The following GOLGA2 variants were observed in gnomAD, a reference collection of about 807,000 sequenced individuals.
The protein encoded by GOLGA2 is golgin A2.
Under a neutral mutation model 148.8 loss-of-function variants are expected in GOLGA2, and 49 were observed. That is an observed-to-expected ratio of 0.33 (90% CI 0.26 to 0.42). The LOEUF (loss-of-function observed/expected upper bound fraction) is 0.42, where lower values mean the gene tolerates loss of function less well. Among genes scored for constraint, GOLGA2 ranks in the 10% least tolerant of loss-of-function variants. The probability of loss-of-function intolerance (pLI) is 1.00; values close to 1 mark genes in which losing one functional copy is unlikely to be tolerated. For synonymous variants in GOLGA2, 501 were observed against 511.8 expected (o/e 0.98, Z 0.28); for missense variants, 1,178 against 1,304.6 (o/e 0.90, Z 1.49).
rs747325990 is a variant in GOLGA2, at chr9:128,257,662, T to A, written c.2657A>T (p.Glu886Val). The change falls in exon 25 of 27, where the codon GAG becomes GTG. Residue 886 changes from glutamate (E) to valine (V), a missense_variant. Glu to Val is a moderately radical substitution (Grantham distance 121, BLOSUM62 -2). This residue lies in a region of GOLGA2 where 38 missense variants were observed against 67.3 expected (regional missense o/e 0.56). Coordinates refer to ENST00000611957, the MANE Select transcript of GOLGA2 (RefSeq NM_001366244.2). The surrounding 1 kb of genome is among the most constrained non-coding windows in gnomAD (Gnocchi z 8.0). ...LYQSQRAVLK[E>V]RHREKEEYIS... is the part of the protein sequence containing the mutation. Reference sequence around the variant, plus strand: ...GTACTCCTCCTTCTCCCGGTGCCGCTCCTTCAGCACTGCCCTCTGGCTCTG... The same window carrying A: ...GTACTCCTCCTTCTCCCGGTGCCGCACCTTCAGCACTGCCCTCTGGCTCTG... 3 of 1,614,114 alleles carry A rather than the reference T, an allele frequency of 1.9e-6. No homozygotes were observed. Among genetic ancestry groups the A allele is most frequent in the Non-Finnish European group, 2.5e-6 (3 of 1,180,012 alleles).
chr9:128,266,253 G>A lies in GOLGA2; in HGVS notation c.681+34C>T. The A allele has an allele frequency of 6.3e-7, 1 of 1,583,952 alleles. No homozygotes were observed. The highest frequency in any genetic ancestry group is 1.3e-5 in the African/African-American group (1 of 74,498). ...ATTTGAATGCCCCCCAAACCCAGCA[G>A]TCATGTTGTGAGCAAACAAAGAAAT... On this transcript the variant is annotated intron_variant, in intron 9 of 26. Transcript: ENST00000611957. The surrounding 1 kb of genome is among the most constrained non-coding windows in gnomAD (Gnocchi z 4.2).
intron 5 of GOLGA2, 39 bp from the exon 6 acceptor site, chr9:128,268,036 TCAATGG>T (rs777980199): frequency 6.2e-7 from 1 of 1,606,736 alleles, no homozygotes; most frequent in Non-Finnish European, 8.5e-7. Flanking sequence ...TGCAGGTGGC[TCAATGG>T]GAAAGAAGGT....
rs571760333 is a variant in GOLGA2, at chr9:128,271,103, T to C, written c.288+1682A>G. Among the ~76,000 whole-genome samples, 6 of 152,194 alleles carry C rather than the reference T, an allele frequency of 3.9e-5. No individual in the cohort carries two copies. The highest frequency in any genetic ancestry group is 1.4e-4 in the African/African-American group (6 of 41,540). On this transcript the variant is annotated intron_variant, in intron 3 of 26. Transcript: ENST00000611957. This position sits in a 1 kb window ranked among gnomAD's most constrained non-coding sequence, Gnocchi z 4.4. ...GGGATCTAGGCCTTTGTTTCCAGAA[T>C]AGAGGGACCTGGGCTGGCACAGAAT...
chr9:128,266,774 C>G lies in GOLGA2; in HGVS notation c.642+420G>C, dbSNP rs1485551495. 2.9e-6 allele frequency: 1 copy of G among 342,770 alleles called. No homozygotes were observed. The highest frequency in any genetic ancestry group is 5.4e-6 in the Non-Finnish European group (1 of 186,450). 21.2% of individuals were successfully genotyped at this position (342,770 alleles called of 1,614,324 possible). A position where few individuals can be genotyped will look rare whatever the true frequency, so the allele number is the denominator to read the frequency against. ...AATGGGCCTTTAAATCTTGGACTCT[C>G]AGAGCTAAGAGACCTTTGATACTCT... On this transcript the variant is annotated intron_variant, in intron 8 of 26. Coordinates refer to ENST00000611957, the MANE Select transcript of GOLGA2 (RefSeq NM_001366244.2). The surrounding 1 kb of genome is among the most constrained non-coding windows in gnomAD (Gnocchi z 4.2).
Position 128,259,239 on chromosome 9 carries a change from G to T in GOLGA2, c.2025C>A (p.Asp675Glu), listed in dbSNP as rs774887378. The T allele has an allele frequency of 6.3e-7, 1 of 1,598,450 alleles. No individual in the cohort carries two copies. Among genetic ancestry groups the T allele is most frequent in the South Asian group, 1.1e-5 (1 of 88,048 alleles). The change falls in exon 20 of 27, where the codon GAC becomes GAA. Residue 675 changes from aspartate to glutamate, a missense_variant. By Grantham distance (45) the Asp-to-Glu change is conservative. Transcript: ENST00000611957. Reference protein sequence around the residue: ...NQLLLQTQLVDQLQQQEAQGK... With the variant: ...NQLLLQTQLVEQLQQQEAQGK... ...CCTGAGCTTCCTGCTGCTGCAGCTG[G>T]TCCACGAGCTGGGTCTGCAGCAGTA...
At chr9:128,264,217 A>G (rs1830456638) in intron 12 of GOLGA2, among the ~76,000 whole-genome samples, 1 of 150,412 alleles carries the variant, frequency 6.6e-6, no homozygotes, top group Non-Finnish European at 1.5e-5. Flanking sequence ...GAGCGAATTT[A>G]TGTATGTACG....
chr9:128,270,129 AT>A (rs776425049), intron 3 of GOLGA2, among the ~76,000 whole-genome samples: 1,949 of 115,122 alleles, frequency 0.017, 61 homozygotes, highest in Admixed American at 0.099. Flanking sequence ...GAGGAAGGGA[AT>A]TTTTTTTTTT....
At position 128,271,533 on chromosome 9, in the gene GOLGA2, C is replaced by T. The variant is rs118045300; in HGVS notation, c.288+1252G>A. On this transcript the variant is annotated intron_variant, in intron 3 of 26. Transcript: ENST00000611957. The surrounding 1 kb of genome is among the most constrained non-coding windows in gnomAD (Gnocchi z 4.4). ...CTGTGTACCTCCATGCCCTGCCCCC[C>T]ACCAGGCTCCCTGTGTTCCTGAAAG... Among the ~76,000 whole-genome samples the T allele has an allele frequency of 6.6e-6, 1 of 152,214 alleles. No individual in the cohort carries two copies. The highest frequency in any genetic ancestry group is 1.5e-5 in the Non-Finnish European group (1 of 68,042).
intron 3 of GOLGA2, 72 bp from the exon 4 acceptor site, chr9:128,268,596 GTGGAACAGGTAGGA>G: frequency 2.6e-6 from 2 of 782,230 alleles, no homozygotes; most frequent in Non-Finnish European, 4.4e-6. Context: ...ACACAAGGGT[GTGGAACAGGTAGGA>G]CAGGTGTTGC....
In GOLGA2 at chr9:128,271,529, C is replaced by T. The variant is rs1830944759; in HGVS notation, c.288+1256G>A. 6.6e-6 allele frequency among the ~76,000 whole-genome samples: 1 copy of T among 152,122 alleles called. No individual in the cohort carries two copies. Among genetic ancestry groups the T allele is most frequent in the Admixed American group, 6.6e-5 (1 of 15,262 alleles). On this transcript the variant is annotated intron_variant, in intron 3 of 26. Coordinates refer to ENST00000611957, the MANE Select transcript of GOLGA2 (RefSeq NM_001366244.2). The surrounding 1 kb of genome is among the most constrained non-coding windows in gnomAD (Gnocchi z 4.4). ...AGCCCTGTGTACCTCCATGCCCTGC[C>T]CCCCACCAGGCTCCCTGTGTTCCTG...
At position 128,265,684 on chromosome 9, in the gene GOLGA2, A is replaced by G. The variant is rs12335848; in HGVS notation, c.834T>C (p.Ser278=). The G allele has an allele frequency of 0.069, 111,714 of 1,613,476 alleles. 5,389 individuals are homozygous for G. The highest frequency in any genetic ancestry group is 0.24 in the East Asian group (10,943 of 44,850). Residue 278 remains serine, a synonymous_variant, in exon 12 of 27, where the codon TCT becomes TCC. Transcript: ENST00000611957. ...ACTGCAGGCGGCTGGCCAGATCTTC[A>G]GACTCTCCTGGAATGAGAGAGGTTG... The part of the protein sequence containing the change: ...QHAARQKEGE[S]EDLASRLQYS...
rs2131332151 is a variant in GOLGA2, at chr9:128,258,384, A to C, written c.2289+71T>G. The stretch of plus-strand genomic sequence containing the variant: ...AAGAAATCAGAAGGCCGGGAAACCA[A>C]GAGCAGAAGGGGGTCTGGGAGGGAC... On this transcript the variant is annotated intron_variant, in intron 22 of 26. Transcript: ENST00000611957. The surrounding 1 kb of genome is among the most constrained non-coding windows in gnomAD (Gnocchi z 6.6). 1 of 1,402,072 alleles carries C rather than the reference A, an allele frequency of 7.1e-7. No individual in the cohort carries two copies. Among genetic ancestry groups the C allele is most frequent in the East Asian group, 2.3e-5 (1 of 43,796 alleles). 86.9% of individuals were successfully genotyped at this position (1,402,072 alleles called of 1,614,324 possible).
At chr9:128,275,520 G>A (rs1274669978) in intron 1 of GOLGA2, 2 of 1,305,008 alleles carry the variant, frequency 1.5e-6, no homozygotes, top group Non-Finnish European at 2.0e-6. Flanking sequence ...CTGGAGCGGG[G>A]GGCCCCGGGA....
Position 128,266,219 on chromosome 9 carries a change from G to T in GOLGA2, c.681+68C>A. The T allele has an allele frequency of 7.0e-7, 1 of 1,431,890 alleles. No homozygotes were observed. 88.7% of individuals were successfully genotyped at this position (1,431,890 alleles called of 1,614,324 possible). A position where few individuals can be genotyped will look rare whatever the true frequency, so the allele number is the denominator to read the frequency against. On this transcript the variant is annotated intron_variant, in intron 9 of 26. Coordinates refer to ENST00000611957, the MANE Select transcript of GOLGA2 (RefSeq NM_001366244.2). The surrounding 1 kb of genome is among the most constrained non-coding windows in gnomAD (Gnocchi z 4.2). ...CTGGGAGTGGGTGAGACGAGACTGA[G>T]GCCTCTACATTTGAATGCCCCCCAA...
At position 128,260,275 on chromosome 9, in the gene GOLGA2, C is replaced by G; in HGVS notation, c.1759-86G>C. 8.0e-7 allele frequency: 1 copy of G among 1,243,980 alleles called. No homozygotes were observed. Among genetic ancestry groups the G allele is most frequent in the Non-Finnish European group, 1.2e-6 (1 of 855,500 alleles). The allele number at this position is 1,243,980 out of a possible 1,614,324, so 77.1% of individuals were successfully genotyped here. Reference sequence around the variant, plus strand: ...CCTTGGTGTCTGCCTCCCATGGCACCGGGAAGGGTGGAGGCAGGTTAGAAA... The same window carrying G: ...CCTTGGTGTCTGCCTCCCATGGCACGGGGAAGGGTGGAGGCAGGTTAGAAA... On this transcript the variant is annotated intron_variant, in intron 18 of 26. Transcript: ENST00000611957. This position sits in a 1 kb window ranked among gnomAD's most constrained non-coding sequence, Gnocchi z 4.8.
Position 128,264,840 on chromosome 9 carries a change from C to T in GOLGA2, c.933+745G>A, listed in dbSNP as rs538640045. Among the ~76,000 whole-genome samples the T allele has an allele frequency of 4.6e-5, 7 of 152,322 alleles. No homozygotes were observed. In the South Asian group the frequency reaches 1.2e-3, roughly 27 times the overall value. On this transcript the variant is annotated intron_variant, in intron 12 of 26. Transcript: ENST00000611957. Reference sequence around the variant, plus strand: ...AACCTTTATTGAATGCTTCACCAGGCACCATGCTAACAATCCCATTTAATC... The same window carrying T: ...AACCTTTATTGAATGCTTCACCAGGTACCATGCTAACAATCCCATTTAATC...
In GOLGA2 at chr9:128,266,172, G is replaced by T; in HGVS notation, c.681+115C>A. On this transcript the variant is annotated intron_variant, in intron 9 of 26. Transcript: ENST00000611957. This position sits in a 1 kb window ranked among gnomAD's most constrained non-coding sequence, Gnocchi z 4.2. ...CTGTGGGGATGGGGTGGAATCTGGG[G>T]GGGTGAGCCTTCTTCCCCAGGCTGG... The T allele has an allele frequency of 7.3e-7, 1 of 1,368,604 alleles. No individual in the cohort carries two copies. Among genetic ancestry groups the T allele is most frequent in the Non-Finnish European group, 1.0e-6 (1 of 957,448 alleles). The allele number at this position is 1,368,604 out of a possible 1,614,324, so 84.8% of individuals were successfully genotyped here.
rs1034814425 is a variant in GOLGA2, at chr9:128,266,897, G to T, written c.642+297C>A. On this transcript the variant is annotated intron_variant, in intron 8 of 26. Transcript: ENST00000611957. The surrounding 1 kb of genome is among the most constrained non-coding windows in gnomAD (Gnocchi z 4.2). ...AGGACTGAGTCAGGGCAGAAATACAGGGCTCCTGACAACCAGTCAGGCTAG... is the reference window on the plus strand; with the variant it reads ...AGGACTGAGTCAGGGCAGAAATACATGGCTCCTGACAACCAGTCAGGCTAG... 3.9e-5 allele frequency: 20 copies of T among 509,752 alleles called. No homozygotes were observed. Among genetic ancestry groups the T allele is most frequent in the Middle Eastern group, 5.4e-4 (1 of 1,854 alleles). The allele number at this position is 509,752 out of a possible 1,614,324, so 31.6% of individuals were successfully genotyped here.
intron 1 of GOLGA2, among the ~76,000 whole-genome samples, chr9:128,274,253 T>A (rs1044886502): frequency 6.6e-6 from 1 of 152,180 alleles, no homozygotes; most frequent in Non-Finnish European, 1.5e-5. Context: ...GAGGTACTTT[T>A]CCACCTCTCA....
Sources: allele counts gnomAD v4.1 joint callset (sites outside exome capture counted in the v4.1 genomes callset), GRCh38; gene constraint gnomAD v4.1.1; regional missense constraint gnomAD v4.1.1; non-coding constraint Gnocchi (gnomAD v3.1); transcripts MANE v1.5; gene names NCBI Gene and HGNC (gene_info 2026-07-23, HGNC 2026-07-21).